The following PRKD3 variants were observed in gnomAD, a reference collection of about 807,000 sequenced individuals.
PRKD3 encodes protein kinase D3.
PRKD3 carries 47 observed loss-of-function variants against 99.2 expected under a neutral mutation model. That is an observed-to-expected ratio of 0.47 (90% confidence interval 0.38 to 0.60). The LOEUF (loss-of-function observed/expected upper bound fraction) is 0.60. Among genes scored for constraint, PRKD3 ranks in the 20% least tolerant of loss-of-function variants. The probability of loss-of-function intolerance (pLI) is 0.00; values close to 1 mark genes in which losing one functional copy is unlikely to be tolerated. For missense variants in PRKD3, 1,019 were observed against 1,088.4 expected (o/e 0.94, Z 0.90); for synonymous variants, 392 against 355.4 (o/e 1.10, Z -1.16).
chr2:37,287,253 A>AAAAAAAAAAAAG (rs1670151168), intron 5 of PRKD3, among the ~76,000 whole-genome samples: 1 of 144,388 alleles, frequency 6.9e-6, no homozygotes, highest in African/African-American at 2.6e-5. Context: ...AAAAAAAAAA[A>AAAAAAAAAAAAG]AAAAAAAAAA....
chr2:37,319,032 C>G (rs893322926), intron 1 of PRKD3, among the ~76,000 whole-genome samples: 2 of 152,082 alleles, frequency 1.3e-5, no homozygotes, highest in Non-Finnish European at 2.9e-5. Flanking sequence ...AAAAAAATAA[C>G]AATAGCTTAC....
intron 3 of PRKD3, among the ~76,000 whole-genome samples, chr2:37,292,282 G>T (rs1157290240): frequency 6.6e-6 from 1 of 151,746 alleles, no homozygotes; most frequent in Non-Finnish European, 1.5e-5. Context: ...ATTTCTTTCA[G>T]ACCAAATAAT....
chr2:37,256,771 C>T lies in PRKD3; in HGVS notation c.2304G>A (p.Val768=), dbSNP rs1667986470. The T allele has an allele frequency of 1.2e-6, 2 of 1,612,882 alleles. No individual in the cohort carries two copies. Among genetic ancestry groups the T allele is most frequent in the South Asian group, 2.2e-5 (2 of 91,030 alleles). ...DMWSVGVIIY[V]SLSGTFPFNE... is the part of the protein sequence containing the mutation. Reference sequence around the variant, plus strand: ...TAAAAGGAAATGTGCCACTGAGGCTCACATAGATGATAACTCCCACTGACC... The same window carrying T: ...TAAAAGGAAATGTGCCACTGAGGCTTACATAGATGATAACTCCCACTGACC... Residue 768 remains valine (V), a synonymous_variant, in exon 17 of 19, where the codon GTG becomes GTA. Transcript: ENST00000234179.
chr2:37,270,043 C>T (rs1382268106), intron 12 of PRKD3, among the ~76,000 whole-genome samples: 2 of 152,090 alleles, frequency 1.3e-5, no homozygotes. Context: ...GCCTGACCAA[C>T]AAGGAGAAAC....
At chr2:37,279,657 G>T in intron 8 of PRKD3, 89 bp downstream of exon 8, 1 of 889,200 alleles carries the variant, frequency 1.1e-6, no homozygotes, top group Non-Finnish European at 1.6e-6. Flanking sequence ...TACTTTTAAG[G>T]TCCCACTTAA....
At chr2:37,303,247 C>CT (rs1336228590) in intron 2 of PRKD3, among the ~76,000 whole-genome samples, 6 of 152,138 alleles carry the variant, frequency 3.9e-5, no homozygotes, top group African/African-American at 1.4e-4. Flanking sequence ...TTTCCCATCA[C>CT]TTACCACCTT....
chr2:37,287,691 A>G (rs1017971078), intron 5 of PRKD3, among the ~76,000 whole-genome samples: 1 of 152,188 alleles, frequency 6.6e-6, no homozygotes, highest in Admixed American at 6.5e-5. Context: ...AGGGCCTGGC[A>G]TACAATAATC....
intron 2 of PRKD3, among the ~76,000 whole-genome samples, chr2:37,315,741 G>C (rs944719737): frequency 1.1e-4 from 16 of 152,188 alleles, no homozygotes; most frequent in African/African-American, 3.6e-4. Context: ...TTTTCAGACT[G>C]AGTCTCACTC....
intron 1 of PRKD3, among the ~76,000 whole-genome samples, chr2:37,319,334 T>C (rs1054646477): frequency 4.6e-5 from 7 of 152,196 alleles, no homozygotes; most frequent in Non-Finnish European, 1.0e-4. Flanking sequence ...ATGAGGAAAG[T>C]CTTTACGGAA....
chr2:37,317,229 T>A, intron 1 of PRKD3, 50 bp from the exon 2 acceptor site: 2 of 766,792 alleles, frequency 2.6e-6, no homozygotes, highest in Non-Finnish European at 3.2e-6. Flanking sequence ...TCATTCGACA[T>A]TAATTTAAAA....
chr2:37,288,583 G>A (rs1306566695), intron 5 of PRKD3, among the ~76,000 whole-genome samples: 1 of 152,094 alleles, frequency 6.6e-6, no homozygotes, highest in East Asian at 1.9e-4. Flanking sequence ...AATGTACAAG[G>A]GAGTTATTTC....
In PRKD3 at chr2:37,282,553, G is replaced by A. The variant is rs1316419368; in HGVS notation, c.977C>T (p.Thr326Ile). 6.3e-7 allele frequency: 1 copy of A among 1,583,426 alleles called. No individual in the cohort carries two copies. The highest frequency in any genetic ancestry group is 1.7e-5 in the Admixed American group (1 of 59,666). The stretch of plus-strand genomic sequence containing the variant: ...AAAAATAATTTTACCTCCATTGAAA[G>A]TAACCTCTCCAAGGCAGTCTCTTGG... ...KVPRDCLGEV[T>I]FNGEPSSLGT... The change falls in exon 7 of 19, where the codon ACT (threonine) becomes ATT (isoleucine). Residue 326 changes from threonine to isoleucine, a missense_variant. Thr to Ile is a moderately conservative substitution (Grantham distance 89). Around this residue, in one of 3 missense-constraint regions of PRKD3, gnomAD observed 710 missense variants for 692.7 expected, o/e 1.02. Transcript: ENST00000234179.
chr2:37,288,160 G>GT (rs143544159), intron 5 of PRKD3, among the ~76,000 whole-genome samples: 3,388 of 152,220 alleles, frequency 0.022, 56 homozygotes, highest in Middle Eastern at 0.054. Context: ...CATAGGTGGC[G>GT]TAACAGCATC....
At chr2:37,264,954 C>G (rs1345311127) in intron 14 of PRKD3, among the ~76,000 whole-genome samples, 1 of 152,110 alleles carries the variant, frequency 6.6e-6, no homozygotes, top group African/African-American at 2.4e-5. Flanking sequence ...AATCAGTGAT[C>G]CTGTGATTTT....
chr2:37,281,326 CA>C (rs1471391780), intron 7 of PRKD3, among the ~76,000 whole-genome samples: 1 of 152,168 alleles, frequency 6.6e-6, no homozygotes, highest in Non-Finnish European at 1.5e-5. Flanking sequence ...TAGTCATAGA[CA>C]AACTATACTA....
chr2:37,256,921 C>T lies in PRKD3; in HGVS notation c.2154G>A (p.Leu718=). ...ASAEPFPQVK[L]CDFGFARIIG... is the part of the protein sequence containing the mutation. ...TGATGCGTGCAAATCCAAAGTCACA[C>T]AGCTTCACCTGGAAATTGAAGGATG... The change falls in exon 17 of 19, where the codon CTG becomes CTA. Residue 718 remains leucine (L), a synonymous_variant. Transcript: ENST00000234179. 6.2e-7 allele frequency: 1 copy of T among 1,613,906 alleles called. No homozygotes were observed. The highest frequency in any genetic ancestry group is 8.5e-7 in the Non-Finnish European group (1 of 1,179,882).
At chr2:37,276,992 C>T (rs939981994) in intron 9 of PRKD3, among the ~76,000 whole-genome samples, 2 of 151,978 alleles carry the variant, frequency 1.3e-5, no homozygotes, top group Non-Finnish European at 1.5e-5. Context: ...AAGTTACATT[C>T]GCAAGGATAT....
chr2:37,305,635 G>A (rs543468505), intron 2 of PRKD3, among the ~76,000 whole-genome samples: 1 of 152,184 alleles, frequency 6.6e-6, no homozygotes, highest in Non-Finnish European at 1.5e-5. Flanking sequence ...AGTAATCCAG[G>A]CCCTTTAATA....
intron 16 of PRKD3, among the ~76,000 whole-genome samples, chr2:37,258,192 T>C (rs539579626): frequency 6.6e-6 from 1 of 152,318 alleles, no homozygotes; most frequent in Non-Finnish European, 1.5e-5. Flanking sequence ...GTACAAACAG[T>C]GCCTAGAAAA....
Sources: gnomAD v4.1 joint callset for allele counts (sites outside exome capture counted in the v4.1 genomes callset) on GRCh38, gnomAD v4.1.1 for gene constraint, gnomAD v4.1.1 regional missense constraint, MANE v1.5 for transcripts, NCBI Gene and HGNC (gene_info 2026-07-23, HGNC 2026-07-21) for gene names.